Variants in RUNX1 observed in about 807,000 individuals in gnomAD.
RUNX1 encodes the protein RUNX family transcription factor 1, also known as runt-related transcription factor 1.
In RUNX1, 19 loss-of-function variants were observed where a neutral mutation model predicts 42.8. That is an observed-to-expected ratio of 0.44 (90% CI 0.31 to 0.65). The LOEUF is 0.65. RUNX1 is among the 30% of genes least tolerant of loss of function. RUNX1 has a pLI of 0.07. For synonymous variants in RUNX1, 271 were observed against 289.4 expected (o/e 0.94, Z 0.64); for missense variants, 528 against 672.0 (o/e 0.79, Z 2.37).
chr21:34,926,677 GA>G (rs963636415), intron 2 of RUNX1, among the ~76,000 whole-genome samples: 38 of 151,726 alleles, frequency 2.5e-4, no homozygotes, highest in Non-Finnish European at 3.7e-4. Flanking sequence ...CCAATGTTTT[GA>G]ACATATCAGG....
intron 6 of RUNX1, among the ~76,000 whole-genome samples, chr21:34,857,529 G>C (rs1187565860): frequency 1.3e-5 from 2 of 152,194 alleles, no homozygotes; most frequent in Non-Finnish European, 2.9e-5. Flanking sequence ...GGGTCACCTG[G>C]CTTCGGCTTC....
chr21:34,873,563 A>C (rs1371447456), intron 5 of RUNX1, among the ~76,000 whole-genome samples: 1 of 152,248 alleles, frequency 6.6e-6, no homozygotes, highest in Non-Finnish European at 1.5e-5. Flanking sequence ...AATCAGAGGA[A>C]ACGCATTTTC....
At chr21:34,865,279 CGTGTGTGTGTGTGTGTGTGT>C (rs61238560) in intron 5 of RUNX1, among the ~76,000 whole-genome samples, 98 of 132,472 alleles carry the variant, frequency 7.4e-4, no homozygotes, top group East Asian at 2.1e-3. Context: ...GGGTTTTGTG[CGTGTGTGTGTGTGTGTGTGT>C]GTGTGTGTGT....
intron 2 of RUNX1, among the ~76,000 whole-genome samples, chr21:34,913,201 T>G (rs1226657586): frequency 6.6e-6 from 1 of 152,004 alleles, no homozygotes; most frequent in African/African-American, 2.4e-5. Flanking sequence ...CTACTCCACT[T>G]TAGCCTGGGC....
chr21:35,011,580 T>C (rs1169270234), intron 2 of RUNX1, among the ~76,000 whole-genome samples: 3 of 152,052 alleles, frequency 2.0e-5, no homozygotes, highest in Non-Finnish European at 4.4e-5. Flanking sequence ...TCTACATTAA[T>C]AAAAAAATGC....
At chr21:34,816,951 G>T (rs550330278) in intron 7 of RUNX1, among the ~76,000 whole-genome samples, 2 of 152,326 alleles carry the variant, frequency 1.3e-5, no homozygotes, top group African/African-American at 4.8e-5. Flanking sequence ...GAAACTGGTG[G>T]TTCCATGGTC....
chr21:35,010,676 A>T (rs184668650), intron 2 of RUNX1, among the ~76,000 whole-genome samples: 25 of 152,218 alleles, frequency 1.6e-4, no homozygotes, highest in African/African-American at 5.5e-4. Flanking sequence ...CCTACACAGG[A>T]AACTACCCCA....
intron 6 of RUNX1, among the ~76,000 whole-genome samples, chr21:34,854,106 G>A (rs2146206893): frequency 6.6e-6 from 1 of 152,292 alleles, no homozygotes; most frequent in Admixed American, 6.5e-5. Context: ...GAGCCACTGC[G>A]CCTGGCCCAT....
chr21:34,961,146 T>C (rs2058679231), intron 2 of RUNX1, among the ~76,000 whole-genome samples: 1 of 152,022 alleles, frequency 6.6e-6, no homozygotes. Context: ...GAGGCTGAGA[T>C]GGATGGATCA....
At chr21:34,794,646 G>GCT (rs1186890820) in intron 8 of RUNX1, among the ~76,000 whole-genome samples, 1 of 152,156 alleles carries the variant, frequency 6.6e-6, no homozygotes, top group Non-Finnish European at 1.5e-5. Flanking sequence ...TGGTTCACTG[G>GCT]CTCTCTCTGC....
intron 2 of RUNX1, among the ~76,000 whole-genome samples, chr21:34,945,808 T>C (rs2058559545): frequency 6.6e-6 from 1 of 152,230 alleles, no homozygotes; most frequent in Admixed American, 6.5e-5. Context: ...CTTTGACTAT[T>C]GTATCTATGA....
intron 2 of RUNX1, among the ~76,000 whole-genome samples, chr21:34,931,349 T>TATATAA (rs543640352): frequency 2.7e-5 from 4 of 146,008 alleles, no homozygotes; most frequent in African/African-American, 1.0e-4. Context: ...TATATATATA[T>TATATAA]ACATGTGTAT....
At chr21:34,857,082 G>T (rs1022740619) in intron 6 of RUNX1, among the ~76,000 whole-genome samples, 4 of 152,168 alleles carry the variant, frequency 2.6e-5, no homozygotes, top group African/African-American at 9.7e-5. Flanking sequence ...TTTTCTAGAA[G>T]TCCCTTGTAA....
chr21:34,998,763 A>G (rs193133570), intron 2 of RUNX1, among the ~76,000 whole-genome samples: 1,744 of 152,216 alleles, frequency 0.011, 29 homozygotes, highest in African/African-American at 0.031. Context: ...GGATGGTCTC[A>G]GTCTCCTGAC....
chr21:34,985,013 T>C (rs764443925), intron 2 of RUNX1, among the ~76,000 whole-genome samples: 18 of 152,264 alleles, frequency 1.2e-4, no homozygotes, highest in Non-Finnish European at 2.4e-4. Context: ...AGGTTGTGCA[T>C]GGATATATTG....
chr21:34,920,476 T>TA (rs1435860648), intron 2 of RUNX1, among the ~76,000 whole-genome samples: 3 of 152,202 alleles, frequency 2.0e-5, no homozygotes, highest in African/African-American at 7.2e-5. Context: ...GATAGTCACT[T>TA]AAAAAATCCC....
chr21:34,797,682 G>C (rs964656099), intron 8 of RUNX1, among the ~76,000 whole-genome samples: 2 of 152,220 alleles, frequency 1.3e-5, no homozygotes, highest in African/African-American at 2.4e-5. Flanking sequence ...CAAGATACCT[G>C]TGCTACTCTC....
chr21:34,928,282 T>A (rs1601580366), intron 2 of RUNX1, among the ~76,000 whole-genome samples: 3 of 152,188 alleles, frequency 2.0e-5, no homozygotes, highest in African/African-American at 7.2e-5. Flanking sequence ...TCTAGAGCTC[T>A]AGGTTTATAC....
At chr21:34,890,369 T>C (rs1601537845) in intron 3 of RUNX1, among the ~76,000 whole-genome samples, 3 of 152,276 alleles carry the variant, frequency 2.0e-5, no homozygotes, top group East Asian at 1.9e-4. Context: ...CAGAGCCCAC[T>C]TGAGCTGGAA....
Sources: allele counts gnomAD v4.1 joint callset (sites outside exome capture counted in the v4.1 genomes callset), GRCh38; gene constraint gnomAD v4.1.1; transcripts MANE v1.5; gene names NCBI Gene and HGNC (gene_info 2026-07-23, HGNC 2026-07-21).